ANKFN1: variants seen among roughly 807,000 people sequenced by gnomAD.
ANKFN1 encodes ankyrin repeat and fibronectin type III domain containing 1.
ANKFN1 carries 74 observed loss-of-function variants against 108.7 expected under a neutral mutation model. The ratio of observed to expected loss-of-function variants is 0.68; its 90% CI spans 0.56 to 0.83. ANKFN1 has a LOEUF of 0.83. ANKFN1 is among the 40% of genes least tolerant of loss of function. The pLI, the probability that ANKFN1 is intolerant of heterozygous loss-of-function variation, is 0.00. For synonymous variants in ANKFN1, 547 were observed against 516.2 expected (o/e 1.06, Z -0.81); for missense variants, 1,505 against 1,382.3 (o/e 1.09, Z -1.41).
intron 14 of ANKFN1, chr17:56,462,176 G>T (rs183642084): frequency 6.6e-6 from 1 of 152,234 alleles, no homozygotes; most frequent in African/African-American, 2.4e-5. Context: ...CCTTTTGTTG[G>T]TGAGGGAGGT....
chr17:56,184,790 T>A (rs1331968183), intron 1 of ANKFN1: 2 of 152,162 alleles, frequency 1.3e-5, no homozygotes, highest in African/African-American at 4.8e-5. Flanking sequence ...TATTGTCTCA[T>A]CTGAGAAATG....
intron 15 of ANKFN1, among the ~76,000 whole-genome samples, chr17:56,476,760 AC>A (rs1165405703): frequency 6.6e-6 from 1 of 152,210 alleles, no homozygotes; most frequent in Non-Finnish European, 1.5e-5. Flanking sequence ...GACTTCAAAT[AC>A]TTTTATAAAC....
chr17:56,312,068 C>T (rs565275597), intron 3 of ANKFN1, among the ~76,000 whole-genome samples: 6 of 152,210 alleles, frequency 3.9e-5, no homozygotes, highest in South Asian at 4.2e-4. Flanking sequence ...TCCCATTGGA[C>T]GTTATCTTCC....
chr17:56,176,829 T>C (rs1260836368), intron 1 of ANKFN1, among the ~76,000 whole-genome samples: 2 of 152,216 alleles, frequency 1.3e-5, no homozygotes, highest in African/African-American at 4.8e-5. Flanking sequence ...TCCTGTAATG[T>C]CACTGCCTCA....
At chr17:56,288,547 A>G (rs905209696) in intron 3 of ANKFN1, among the ~76,000 whole-genome samples, 5 of 152,170 alleles carry the variant, frequency 3.3e-5, no homozygotes, top group African/African-American at 1.2e-4. Context: ...TGTTGGAGAC[A>G]ATGATGATAG....
intron 3 of ANKFN1, among the ~76,000 whole-genome samples, chr17:56,277,190 C>T (rs1233319324): frequency 2.6e-5 from 4 of 152,022 alleles, no homozygotes; most frequent in Non-Finnish European, 5.9e-5. Flanking sequence ...CTACAGTGTT[C>T]AATAGAATAA....
chr17:56,215,782 A>AT (rs1273619374), intron 2 of ANKFN1: 1 of 152,052 alleles, frequency 6.6e-6, no homozygotes, highest in African/African-American at 2.4e-5. Flanking sequence ...CCATTTTTTC[A>AT]TTTTTTCACA....
chr17:56,310,238 A>T, intron 3 of ANKFN1, among the ~76,000 whole-genome samples: 1 of 152,264 alleles, frequency 6.6e-6, no homozygotes, highest in East Asian at 1.9e-4. Context: ...TTTACCATTT[A>T]ATATTTCCAG....
chr17:56,047,634 T>C (rs1185796261), intron 4 of ANKFN1, among the ~76,000 whole-genome samples: 1 of 151,700 alleles, frequency 6.6e-6, no homozygotes, highest in Non-Finnish European at 1.5e-5. Context: ...CTACAAGGTA[T>C]CCTTTCACTG....
chr17:56,171,451 T>C (rs1425554766), intron 1 of ANKFN1, among the ~76,000 whole-genome samples: 1 of 152,154 alleles, frequency 6.6e-6, no homozygotes, highest in Non-Finnish European at 1.5e-5. Context: ...TCTACAGCAA[T>C]GGTTAAAACA....
intron 1 of ANKFN1, among the ~76,000 whole-genome samples, chr17:56,201,398 A>G (rs1019239): frequency 0.31 from 47,562 of 152,128 alleles, 9,021 homozygotes; most frequent in East Asian, 0.51. Context: ...GTACACTGTC[A>G]TAGTGGCCCA....
In ANKFN1 at chr17:56,061,265, C is replaced by CTTTTT. The variant is rs71137190; in HGVS notation, c.288+14959_288+14963dup. ...TCTGATTTCTCTGATGGTAGTTTTTCTTTTTTTTTTTTTTTTTTTTTTTGA... is the reference window on the plus strand; with the variant it reads ...TCTGATTTCTCTGATGGTAGTTTTTCTTTTTTTTTTTTTTTTTTTTTTTTTTTTGA... On this transcript the variant is annotated intron_variant, in intron 4 of 12. Coordinates refer to the ANKFN1 transcript ENST00000635860. Among the ~76,000 whole-genome samples the CTTTTT allele has an allele frequency of 7.9e-3, 574 of 72,932 alleles. 41 individuals carry two copies. The highest frequency in any genetic ancestry group is 0.026 in the Middle Eastern group (1 of 38). 47.8% of individuals were successfully genotyped at this position (72,932 alleles called of 152,430 possible). A position where few individuals can be genotyped will look rare whatever the true frequency, so the allele number is the denominator to read the frequency against.
At chr17:56,330,116 A>G (rs894754426) in intron 4 of ANKFN1, among the ~76,000 whole-genome samples, 3 of 152,208 alleles carry the variant, frequency 2.0e-5, no homozygotes, top group African/African-American at 7.2e-5. Context: ...AAAGTGTTAT[A>G]GAAGTGTATT....
intron 3 of ANKFN1, among the ~76,000 whole-genome samples, chr17:56,284,773 A>G (rs1233169031): frequency 6.6e-6 from 1 of 152,156 alleles, no homozygotes; most frequent in African/African-American, 2.4e-5. Flanking sequence ...GGGGTTTAGG[A>G]GTGTCGACGT....
intron 8 of ANKFN1, among the ~76,000 whole-genome samples, chr17:56,425,155 C>T (rs2048521490): frequency 6.6e-6 from 1 of 151,752 alleles, no homozygotes; most frequent in African/African-American, 2.4e-5. Flanking sequence ...TAGCTGAACT[C>T]CAGTATTCAG....
chr17:56,455,441 A>G (rs1328575021), intron 11 of ANKFN1, among the ~76,000 whole-genome samples: 3 of 152,226 alleles, frequency 2.0e-5, no homozygotes, highest in Non-Finnish European at 4.4e-5. Flanking sequence ...TGAAACTGGC[A>G]TGAATGCTTG....
intron 3 of ANKFN1, among the ~76,000 whole-genome samples, chr17:56,277,659 G>T (rs1484552088): frequency 1.3e-5 from 2 of 152,114 alleles, no homozygotes; most frequent in South Asian, 2.1e-4. Context: ...CCCAAATATG[G>T]CTAACTCCAT....
At chr17:56,350,676 A>G in intron 4 of ANKFN1, 90 bp from the exon 5 acceptor site, 1 of 1,223,740 alleles carries the variant, frequency 8.2e-7, no homozygotes, top group Non-Finnish European at 1.2e-6. Flanking sequence ...TTGTATTTGG[A>G]TTCCAGATAC....
chr17:56,198,721 C>T (rs368820958), intron 1 of ANKFN1, among the ~76,000 whole-genome samples: 82 of 152,198 alleles, frequency 5.4e-4, no homozygotes, highest in African/African-American at 1.8e-3. Context: ...CTTAGGTGAT[C>T]CTTTCCTTCC....
Sources: allele counts gnomAD v4.1 joint callset (sites outside exome capture counted in the v4.1 genomes callset), GRCh38; gene constraint gnomAD v4.1.1; transcripts MANE v1.5; gene names NCBI Gene and HGNC (gene_info 2026-07-23, HGNC 2026-07-21).